FBXL7: variants seen among roughly 807,000 people sequenced by gnomAD.
FBXL7 encodes the protein F-box and leucine rich repeat protein 7.
Under a neutral mutation model 38.3 loss-of-function variants are expected in FBXL7, and 12 were observed. The ratio of observed to expected loss-of-function variants is 0.31; its 90% CI spans 0.20 to 0.51. FBXL7 has a LOEUF of 0.51. FBXL7 is among the 20% of genes least tolerant of loss of function. FBXL7 has a pLI of 0.98. For synonymous variants in FBXL7, 297 were observed against 300.9 expected (o/e 0.99, Z 0.13); for missense variants, 567 against 676.4 (o/e 0.84, Z 1.79).
rs16867806 is a variant in FBXL7 at position 15,869,697 on chromosome 5, A to T, written c.128-58193A>T. Among the ~76,000 whole-genome samples the T allele has an allele frequency of 5.0e-3, 768 of 152,238 alleles. 11 individuals carry two copies. The highest frequency in any genetic ancestry group is 0.018 in the African/African-American group (728 of 41,498). ...TCAATCTTCAAAACATATTTTGAGCATATATTTTGTCATGAAGTGTTTAAA... is the reference window on the plus strand; with the variant it reads ...TCAATCTTCAAAACATATTTTGAGCTTATATTTTGTCATGAAGTGTTTAAA... On this transcript the variant is annotated intron_variant, in intron 2 of 3. Coordinates refer to ENST00000504595, the MANE Select transcript of FBXL7 (RefSeq NM_012304.5).
At chr5:15,588,489 C>T (rs544247557) in intron 1 of FBXL7, among the ~76,000 whole-genome samples, 5 of 151,052 alleles carry the variant, frequency 3.3e-5, no homozygotes, top group South Asian at 2.1e-4. Flanking sequence ...CAGGTTCAAG[C>T]GATTCTCCTG....
At chr5:15,644,304 C>CAAAAAAAAAAAAAAA (rs369213583) in intron 2 of FBXL7, among the ~76,000 whole-genome samples, 1 of 94,808 alleles carries the variant, frequency 1.1e-5, no homozygotes, top group African/African-American at 3.9e-5. Flanking sequence ...ACTAAAAATC[C>CAAAAAAAAAAAAAAA]AAAAAAAAAA....
intron 1 of FBXL7, among the ~76,000 whole-genome samples, chr5:15,555,812 T>TAGAC (rs1320431424): frequency 2.0e-5 from 3 of 151,782 alleles, no homozygotes; most frequent in Non-Finnish European, 4.4e-5. Flanking sequence ...GATAGATAGA[T>TAGAC]AGATAGATAG....
Position 15,501,306 on chromosome 5 carries a change from A to G in FBXL7, c.37+593A>G, listed in dbSNP as rs888076921. ...GACCATCTGTTACGTGGGGCTGGAAATTGCACAGAAATATTGCCTGTCAAG... is the reference window on the plus strand; with the variant it reads ...GACCATCTGTTACGTGGGGCTGGAAGTTGCACAGAAATATTGCCTGTCAAG... On this transcript the variant is annotated intron_variant, in intron 1 of 3. Coordinates refer to ENST00000504595, the MANE Select transcript of FBXL7 (RefSeq NM_012304.5). 9.5e-5 allele frequency: 50 copies of G among 527,472 alleles called. No homozygotes were observed. In the African/African-American group the frequency reaches 1.0e-3, roughly 11 times the overall value. 32.7% of individuals were successfully genotyped at this position (527,472 alleles called of 1,614,324 possible). A position where few individuals can be genotyped will look rare whatever the true frequency, so the allele number is the denominator to read the frequency against.
intron 2 of FBXL7, among the ~76,000 whole-genome samples, chr5:15,828,660 G>C (rs146274351): frequency 7.2e-4 from 110 of 152,290 alleles, no homozygotes; most frequent in African/African-American, 2.5e-3. Flanking sequence ...AACTCTGGGA[G>C]ACCCAAAGAT....
chr5:15,653,193 A>G (rs897283076), intron 2 of FBXL7, among the ~76,000 whole-genome samples: 1 of 152,228 alleles, frequency 6.6e-6, no homozygotes, highest in African/African-American at 2.4e-5. Context: ...ACTTTGAAAT[A>G]TTGTGAGAAT....
intron 1 of FBXL7, among the ~76,000 whole-genome samples, chr5:15,610,594 C>G (rs577847730): frequency 7.2e-5 from 11 of 152,296 alleles, no homozygotes; most frequent in Non-Finnish European, 1.5e-4. Flanking sequence ...ACCACCCTCC[C>G]TGCCTCCCTC....
chr5:15,651,954 C>A (rs1302223249), intron 2 of FBXL7, among the ~76,000 whole-genome samples: 1 of 152,232 alleles, frequency 6.6e-6, no homozygotes, highest in Non-Finnish European at 1.5e-5. Context: ...GAATTTACTG[C>A]AGCTTCTACA....
chr5:15,849,025 T>C (rs2126791906), intron 2 of FBXL7, among the ~76,000 whole-genome samples: 1 of 152,242 alleles, frequency 6.6e-6, no homozygotes, highest in East Asian at 1.9e-4. Context: ...TAGCGCTTAA[T>C]GTATAAATGA....
chr5:15,543,224 A>T (rs1201414780), intron 1 of FBXL7, among the ~76,000 whole-genome samples: 1 of 152,190 alleles, frequency 6.6e-6, no homozygotes, highest in African/African-American at 2.4e-5. Context: ...GAAGCCTCAC[A>T]ATCATGGCAG....
intron 2 of FBXL7, among the ~76,000 whole-genome samples, chr5:15,679,003 A>G (rs1010524770): frequency 1.9e-4 from 29 of 152,222 alleles, no homozygotes; most frequent in African/African-American, 5.8e-4. Context: ...ATTTTTATGA[A>G]TTAACAAAAT....
chr5:15,917,851 G>A (rs921328623), intron 2 of FBXL7, among the ~76,000 whole-genome samples: 4 of 151,026 alleles, frequency 2.6e-5, no homozygotes, highest in Admixed American at 1.3e-4. Context: ...TACCATAGGA[G>A]ATTAACCCCT....
At chr5:15,828,629 G>A (rs1738376540) in intron 2 of FBXL7, among the ~76,000 whole-genome samples, 1 of 152,192 alleles carries the variant, frequency 6.6e-6, no homozygotes, top group Admixed American at 6.5e-5. Flanking sequence ...CAAGGTGAAA[G>A]GCACCTGAAA....
At chr5:15,890,686 A>G (rs1197559274) in intron 2 of FBXL7, among the ~76,000 whole-genome samples, 4 of 152,146 alleles carry the variant, frequency 2.6e-5, no homozygotes, top group Non-Finnish European at 5.9e-5. Context: ...CCCTCCCTGC[A>G]TGTGTGAAAA....
At chr5:15,925,156 C>T (rs975771222) in intron 2 of FBXL7, among the ~76,000 whole-genome samples, 37 of 152,196 alleles carry the variant, frequency 2.4e-4, no homozygotes, top group African/African-American at 7.7e-4. Flanking sequence ...ATAGCAGGTG[C>T]GCAAATGTCT....
chr5:15,551,877 C>G (rs978902217), intron 1 of FBXL7, among the ~76,000 whole-genome samples: 1 of 152,208 alleles, frequency 6.6e-6, no homozygotes, highest in African/African-American at 2.4e-5. Context: ...CTAGGAAACA[C>G]CCTTCTTTCT....
chr5:15,847,086 T>C (rs1738928583), intron 2 of FBXL7, among the ~76,000 whole-genome samples: 1 of 151,870 alleles, frequency 6.6e-6, no homozygotes, highest in Non-Finnish European at 1.5e-5. Flanking sequence ...TGATCCAGAG[T>C]TTTAAAGGAA....
chr5:15,599,095 C>T (rs1392974988), intron 1 of FBXL7, among the ~76,000 whole-genome samples: 3 of 152,146 alleles, frequency 2.0e-5, no homozygotes, highest in Non-Finnish European at 4.4e-5. Context: ...CACTTTTACT[C>T]CTGTTAAATA....
rs533618017 is a variant in FBXL7, at chr5:15,660,558, G to A, written c.127+44486G>A. Among the ~76,000 whole-genome samples, 213 of 152,152 alleles carry A rather than the reference G, an allele frequency of 1.4e-3. 2 individuals are homozygous for A. Among genetic ancestry groups the A allele is most frequent in the South Asian group, 8.9e-3 (43 of 4,812 alleles). On this transcript the variant is annotated intron_variant, in intron 2 of 3. Coordinates refer to ENST00000504595, the MANE Select transcript of FBXL7 (RefSeq NM_012304.5). Reference sequence around the variant, plus strand: ...TTTTTGGTAGAGACGGGGTTTCACCGTGTTGGTCAGACTTGTCTCAAACTC... The same window carrying A: ...TTTTTGGTAGAGACGGGGTTTCACCATGTTGGTCAGACTTGTCTCAAACTC...
Sources: allele counts gnomAD v4.1 joint callset (sites outside exome capture counted in the v4.1 genomes callset), GRCh38; gene constraint gnomAD v4.1.1; transcripts MANE v1.5; gene names NCBI Gene and HGNC (gene_info 2026-07-23, HGNC 2026-07-21).